The following MARCHF1 variants were observed in gnomAD, a reference collection of about 807,000 sequenced individuals.
The protein encoded by MARCHF1 is membrane associated ring-CH-type finger 1.
MARCHF1 carries 40 observed loss-of-function variants against 54.2 expected under a neutral mutation model. The ratio of observed to expected loss-of-function variants is 0.74; its 90% CI spans 0.57 to 0.96. MARCHF1 has a LOEUF of 0.96. Among genes scored for constraint, MARCHF1 ranks in the 40% least tolerant of loss-of-function variants. The pLI, the probability that MARCHF1 is intolerant of heterozygous loss-of-function variation, is 0.00. For synonymous variants in MARCHF1, 236 were observed against 236.3 expected, an observed-to-expected ratio of 1.00 and a Z score of 0.01; for missense variants, 586 against 656.5, an observed-to-expected ratio of 0.89 and a Z score of 1.17.
intron 2 of MARCHF1, among the ~76,000 whole-genome samples, chr4:164,025,680 A>T (rs1366348422): frequency 6.6e-5 from 10 of 151,708 alleles, no homozygotes; most frequent in Admixed American, 6.6e-4. Flanking sequence ...AAAAACAACA[A>T]ACCAGCCAAC....
At chr4:164,181,495 G>T (rs888476499) in intron 1 of MARCHF1, among the ~76,000 whole-genome samples, 2 of 152,070 alleles carry the variant, frequency 1.3e-5, no homozygotes, top group African/African-American at 2.4e-5. Flanking sequence ...ACAAAGAAAA[G>T]ACTTCAATTT....
chr4:163,551,499 A>T (rs1223786636), intron 8 of MARCHF1, among the ~76,000 whole-genome samples: 1 of 152,224 alleles, frequency 6.6e-6, no homozygotes, highest in East Asian at 1.9e-4. Context: ...AAAACTGATG[A>T]TAGGGAGGAA....
intron 1 of MARCHF1, among the ~76,000 whole-genome samples, chr4:164,174,415 T>A (rs1730609185): frequency 6.6e-6 from 1 of 152,222 alleles, no homozygotes; most frequent in Admixed American, 6.5e-5. Flanking sequence ...AATTATTTAT[T>A]AAGCACTGCG....
In MARCHF1 at chr4:164,021,192, A is replaced by C. The variant is rs554063308; in HGVS notation, c.-247-32483T>G. ...CAGGTAAATTGAGGCAGGTTGTTAG[A>C]GACAGATAATTTATTTCCTGGGCTA... On this transcript the variant is annotated intron_variant, in intron 2 of 9. Transcript: ENST00000514618. 2.0e-5 allele frequency among the ~76,000 whole-genome samples: 3 copies of C among 151,890 alleles called. No individual in the cohort carries two copies. The East Asian group carries it at 5.8e-4, about 30-fold the overall frequency.
chr4:164,110,546 G>A (rs1380371630), intron 2 of MARCHF1, among the ~76,000 whole-genome samples: 1 of 151,306 alleles, frequency 6.6e-6, no homozygotes, highest in African/African-American at 2.4e-5. Context: ...AAAATACTGG[G>A]GTAATAAAAA....
intron 2 of MARCHF1, among the ~76,000 whole-genome samples, chr4:164,071,315 G>A (rs1448100489): frequency 1.3e-5 from 2 of 152,048 alleles, no homozygotes; most frequent in Non-Finnish European, 2.9e-5. Context: ...AAAAGAAACA[G>A]AAAACAAAAG....
chr4:163,927,758 T>A (rs906539256), intron 3 of MARCHF1, among the ~76,000 whole-genome samples: 1 of 151,716 alleles, frequency 6.6e-6, no homozygotes, highest in African/African-American at 2.4e-5. Context: ...GCACCCAGGG[T>A]TTAATGTGTA....
At chr4:164,147,024 G>A (rs1483430794) in intron 1 of MARCHF1, among the ~76,000 whole-genome samples, 4 of 151,770 alleles carry the variant, frequency 2.6e-5, no homozygotes, top group Non-Finnish European at 4.4e-5. Flanking sequence ...GACATGAACA[G>A]ACACTTCTCA....
At chr4:163,995,044 G>A (rs1753047538) in intron 2 of MARCHF1, among the ~76,000 whole-genome samples, 1 of 151,930 alleles carries the variant, frequency 6.6e-6, no homozygotes, top group African/African-American at 2.4e-5. Context: ...CCCAAATTCA[G>A]TTCTACCTGG....
chr4:163,531,462 C>T (rs188274656), intron 9 of MARCHF1, among the ~76,000 whole-genome samples: 4 of 151,736 alleles, frequency 2.6e-5, no homozygotes, highest in African/African-American at 9.7e-5. Flanking sequence ...TTCCTTAATG[C>T]GATAAAGAAC....
chr4:164,319,359 G>T (rs1294660606), intron 1 of MARCHF1, among the ~76,000 whole-genome samples: 1 of 152,004 alleles, frequency 6.6e-6, no homozygotes, highest in Non-Finnish European at 1.5e-5. Context: ...AGGGGTCCTG[G>T]AACCAATTCC....
chr4:164,166,016 T>C (rs891203004), intron 1 of MARCHF1, among the ~76,000 whole-genome samples: 1 of 151,992 alleles, frequency 6.6e-6, no homozygotes, highest in Non-Finnish European at 1.5e-5. Flanking sequence ...GCAAATGATG[T>C]AGCAACTCAT....
chr4:164,117,320 T>C (rs568498315), intron 1 of MARCHF1, among the ~76,000 whole-genome samples: 36 of 152,106 alleles, frequency 2.4e-4, no homozygotes, highest in South Asian at 1.9e-3. Context: ...ATATAAATTT[T>C]TGTAATAACA....
chr4:164,188,632 C>T, intron 1 of MARCHF1: 13 of 1,037,596 alleles, frequency 1.3e-5, no homozygotes, highest in Non-Finnish European at 2.0e-5. Flanking sequence ...ACCAGCTCAC[C>T]TCCAATCCCA....
chr4:164,275,727 C>T (rs982471178), intron 1 of MARCHF1, among the ~76,000 whole-genome samples: 4 of 152,110 alleles, frequency 2.6e-5, no homozygotes, highest in African/African-American at 9.7e-5. Context: ...AGCAGTGAAT[C>T]ATTGAAGACT....
chr4:164,273,117 T>G (rs1560983048), intron 1 of MARCHF1, among the ~76,000 whole-genome samples: 1 of 151,996 alleles, frequency 6.6e-6, no homozygotes, highest in Non-Finnish European at 1.5e-5. Flanking sequence ...CATACTGCTA[T>G]AAAGAACTGC....
At chr4:164,173,657 G>A (rs1466026694) in intron 1 of MARCHF1, among the ~76,000 whole-genome samples, 1 of 152,106 alleles carries the variant, frequency 6.6e-6, no homozygotes, top group Non-Finnish European at 1.5e-5. Flanking sequence ...AGAGCCGGTT[G>A]TTTAAATGAA....
chr4:164,153,830 T>C (rs1189787656), intron 1 of MARCHF1, among the ~76,000 whole-genome samples: 1 of 152,144 alleles, frequency 6.6e-6, no homozygotes, highest in Non-Finnish European at 1.5e-5. Context: ...AAAAACAACA[T>C]GTATGATATA....
intron 3 of MARCHF1, among the ~76,000 whole-genome samples, chr4:163,879,364 C>T (rs974437678): frequency 6.6e-6 from 1 of 152,162 alleles, no homozygotes; most frequent in African/African-American, 2.4e-5. Flanking sequence ...TGTATAACTA[C>T]AGCTTTCATG....
Sources: gnomAD v4.1 joint callset for allele counts (sites outside exome capture counted in the v4.1 genomes callset) on GRCh38, gnomAD v4.1.1 for gene constraint, MANE v1.5 for transcripts, NCBI Gene and HGNC (gene_info 2026-07-23, HGNC 2026-07-21) for gene names.